CNTNAP2: variants seen among roughly 807,000 people sequenced by gnomAD.
CNTNAP2 encodes contactin associated protein 2.
CNTNAP2 carries 98 observed loss-of-function variants against 155.2 expected under a neutral mutation model. That is an observed-to-expected ratio of 0.63 (90% CI 0.54 to 0.75). The LOEUF (loss-of-function observed/expected upper bound fraction) is 0.75, where lower values mean the gene tolerates loss of function less well. CNTNAP2 is among the 30% of genes least tolerant of loss of function. The probability of loss-of-function intolerance (pLI) is 0.00; values close to 1 mark genes in which losing one functional copy is unlikely to be tolerated. For synonymous variants in CNTNAP2, 651 were observed against 631.2 expected (o/e 1.03, Z -0.47); for missense variants, 1,727 against 1,688.1 (o/e 1.02, Z -0.40).
chr7:147,507,554 T>C (rs1479613710), intron 11 of CNTNAP2, among the ~76,000 whole-genome samples: 2 of 26,268 alleles, frequency 7.6e-5, no homozygotes, highest in Admixed American at 3.3e-4. Flanking sequence ...TTCTTTCTTT[T>C]TTTTTTTTTT....
At chr7:147,194,440 T>C (rs1443381476) in intron 8 of CNTNAP2, among the ~76,000 whole-genome samples, 1 of 152,206 alleles carries the variant, frequency 6.6e-6, no homozygotes, top group African/African-American at 2.4e-5. Flanking sequence ...CTTTTGGGTA[T>C]ATACAAAGTA....
chr7:148,390,843 G>C (rs1202774642), intron 22 of CNTNAP2, among the ~76,000 whole-genome samples: 5 of 152,136 alleles, frequency 3.3e-5, no homozygotes, highest in Non-Finnish European at 5.9e-5. Flanking sequence ...GGCTCTATCA[G>C]TGTTTTCTAA....
At chr7:147,740,747 A>G (rs1796942886) in intron 13 of CNTNAP2, among the ~76,000 whole-genome samples, 1 of 152,206 alleles carries the variant, frequency 6.6e-6, no homozygotes, top group Non-Finnish European at 1.5e-5. Context: ...TCTTAAATAA[A>G]CTTCCCTAGA....
At chr7:146,741,642 ATAT>A (rs1051507575) in intron 1 of CNTNAP2, among the ~76,000 whole-genome samples, 3 of 152,194 alleles carry the variant, frequency 2.0e-5, no homozygotes, top group Non-Finnish European at 2.9e-5. Flanking sequence ...CGATGGGAAA[ATAT>A]TATGAGCAAC....
chr7:148,144,871 C>T (rs142758189), intron 16 of CNTNAP2, among the ~76,000 whole-genome samples: 1 of 152,244 alleles, frequency 6.6e-6, no homozygotes, highest in Admixed American at 6.5e-5. Flanking sequence ...TTCGCTCACT[C>T]TCTCTATAAT....
At chr7:147,486,082 G>A (rs1563223225) in intron 11 of CNTNAP2, 41 bp downstream of exon 11, 1 of 1,538,734 alleles carries the variant, frequency 6.5e-7, no homozygotes, top group Non-Finnish European at 9.0e-7. Context: ...GTAATTGCAT[G>A]AGAATCTCAA....
At chr7:148,382,993 G>A (rs1454204464) in intron 21 of CNTNAP2, among the ~76,000 whole-genome samples, 1 of 152,220 alleles carries the variant, frequency 6.6e-6, no homozygotes, top group African/African-American at 2.4e-5. Context: ...GGAAGATGTT[G>A]AGCCTACAGG....
intron 1 of CNTNAP2, among the ~76,000 whole-genome samples, chr7:146,665,569 G>A (rs1054772929): frequency 4.0e-5 from 6 of 151,338 alleles, no homozygotes; most frequent in Non-Finnish European, 8.8e-5. Context: ...ATCACCTGAG[G>A]TCTGGAGTTC....
chr7:146,738,410 T>A (rs915049232), intron 1 of CNTNAP2, among the ~76,000 whole-genome samples: 5 of 152,052 alleles, frequency 3.3e-5, no homozygotes, highest in African/African-American at 1.2e-4. Context: ...TTTTGAATGT[T>A]AACCTTTTAT....
intron 3 of CNTNAP2, among the ~76,000 whole-genome samples, chr7:147,007,115 A>G (rs1798540486): frequency 6.6e-6 from 1 of 152,060 alleles, no homozygotes. Context: ...ATCCCCACTC[A>G]TGGGTGTGTT....
At chr7:146,953,636 CTTTG>C (rs1353555965) in intron 3 of CNTNAP2, among the ~76,000 whole-genome samples, 1 of 151,844 alleles carries the variant, frequency 6.6e-6, no homozygotes, top group Non-Finnish European at 1.5e-5. Context: ...GAACAAAAAT[CTTTG>C]TTTATTAATT....
At chr7:147,517,546 A>C (rs1360986001) in intron 11 of CNTNAP2, among the ~76,000 whole-genome samples, 1 of 152,248 alleles carries the variant, frequency 6.6e-6, no homozygotes, top group Non-Finnish European at 1.5e-5. Flanking sequence ...AAAATGCACA[A>C]TAAGTATATA....
chr7:146,781,267 G>A (rs1802484337), intron 2 of CNTNAP2, among the ~76,000 whole-genome samples: 14 of 150,880 alleles, frequency 9.3e-5, no homozygotes, highest in Admixed American at 8.6e-4. Context: ...TAGGTGACAG[G>A]TTGATAGGTG....
chr7:147,967,904 A>T (rs1394443216), intron 14 of CNTNAP2, among the ~76,000 whole-genome samples: 1 of 152,232 alleles, frequency 6.6e-6, no homozygotes, highest in Non-Finnish European at 1.5e-5. Context: ...AATTACAGAA[A>T]AAAAAAGATA....
intron 1 of CNTNAP2, among the ~76,000 whole-genome samples, chr7:146,307,758 G>A (rs1800741223): frequency 6.6e-6 from 1 of 152,072 alleles, no homozygotes; most frequent in African/African-American, 2.4e-5. Context: ...AAATGGTGCT[G>A]GGAAAACTCG....
chr7:147,461,569 C>T (rs1798025896), intron 10 of CNTNAP2, among the ~76,000 whole-genome samples: 1 of 151,822 alleles, frequency 6.6e-6, no homozygotes, highest in Non-Finnish European at 1.5e-5. Flanking sequence ...ATTGTTATTA[C>T]TTTCTTTAAA....
At position 148,399,333 on chromosome 7, in the gene CNTNAP2, C is replaced by T. The variant is rs548595502; in HGVS notation, c.3716-10058C>T. 7.6e-4 allele frequency among the ~76,000 whole-genome samples: 111 copies of T among 145,856 alleles called. 1 individual carries two copies. The highest frequency in any genetic ancestry group is 2.8e-3 in the African/African-American group (101 of 35,648). ...ATTTTTAAAAATACGTCTAGCCAGG[C>T]GCAGTGGCACGTGCCTATAGTCCCA... On this transcript the variant is annotated intron_variant, in intron 22 of 23. Coordinates refer to ENST00000361727, the MANE Select transcript of CNTNAP2 (RefSeq NM_014141.6).
At chr7:148,142,357 T>G (rs1445337235) in intron 16 of CNTNAP2, among the ~76,000 whole-genome samples, 1 of 152,106 alleles carries the variant, frequency 6.6e-6, no homozygotes, top group Admixed American at 6.6e-5. Flanking sequence ...AATAAATCCT[T>G]TTATCTTCTG....
At chr7:147,257,155 G>C (rs1804350475) in intron 8 of CNTNAP2, among the ~76,000 whole-genome samples, 1 of 152,198 alleles carries the variant, frequency 6.6e-6, no homozygotes, top group Admixed American at 6.5e-5. Flanking sequence ...TTTTAGTAGA[G>C]AGATGGAGTT....
Sources: gnomAD v4.1 joint callset for allele counts (sites outside exome capture counted in the v4.1 genomes callset) on GRCh38, gnomAD v4.1.1 for gene constraint, MANE v1.5 for transcripts, NCBI Gene and HGNC (gene_info 2026-07-23, HGNC 2026-07-21) for gene names.